ARHGEF1: variants seen among roughly 807,000 people sequenced by gnomAD.
ARHGEF1 encodes the protein Rho guanine nucleotide exchange factor 1.
ARHGEF1 carries 40 observed loss-of-function variants against 119.7 expected under a neutral mutation model. The ratio of observed to expected loss-of-function variants is 0.33; its 90% CI spans 0.26 to 0.44. The LOEUF (loss-of-function observed/expected upper bound fraction) is 0.44. Ranked by LOEUF, ARHGEF1 falls within the 20% of genes least tolerant of loss-of-function variation. ARHGEF1 has a pLI of 1.00. For synonymous variants in ARHGEF1, 494 were observed against 521.0 expected, an observed-to-expected ratio of 0.95 and a Z score of 0.71; for missense variants, 976 against 1,268.3, an observed-to-expected ratio of 0.77 and a Z score of 3.50.
At chr19:41,886,585 T>C (rs749493002) in intron 1 of ARHGEF1, among the ~76,000 whole-genome samples, 40 of 152,196 alleles carry the variant, frequency 2.6e-4, no homozygotes, top group Non-Finnish European at 4.6e-4. Context: ...CTGGCCAGTT[T>C]GCAAATTTAT....
At chr19:41,896,566 C>T in intron 13 of ARHGEF1, 84 bp downstream of exon 13, 1 of 1,077,714 alleles carries the variant, frequency 9.3e-7, no homozygotes. Flanking sequence ...GCCATCTGTG[C>T]CTGCCTGTCC....
chr19:41,900,200 G>C (rs1183158329), intron 14 of ARHGEF1, among the ~76,000 whole-genome samples: 1 of 152,148 alleles, frequency 6.6e-6, no homozygotes, highest in Non-Finnish European at 1.5e-5. Context: ...CAAGCATAGT[G>C]GCGCATGCCT....
chr19:41,915,540 G>C (rs1216312110), intron 18 of ARHGEF1, among the ~76,000 whole-genome samples: 1 of 151,490 alleles, frequency 6.6e-6, no homozygotes, highest in Non-Finnish European at 1.5e-5. Context: ...TAATGTCTAG[G>C]GTCTCCACAC....
At chr19:41,897,876 TC>T in intron 13 of ARHGEF1, 1 of 1,269,566 alleles carries the variant, frequency 7.9e-7, no homozygotes, top group Non-Finnish European at 9.9e-7. Flanking sequence ...TCGTCTCTGT[TC>T]TTGTCTTGGT....
chr19:41,909,932 A>G, downstream of ARHGEF1: 1 of 1,613,822 alleles, frequency 6.2e-7, no homozygotes, highest in African/African-American at 1.3e-5. This position sits in a 1 kb window ranked among gnomAD's most constrained non-coding sequence, Gnocchi z 5.2. Context: ...CAGCCGGGCC[A>G]CCTCATCGGG....
rs939888648 is a variant in ARHGEF1 at position 41,917,915 on chromosome 19, G to T, written c.1866-5177G>T. ...TGGGTGCACGAAGCCAGCTCCCCGCGGTCACACACTGTGTGTGTGTGTGCT... is the reference window on the plus strand; with the variant it reads ...TGGGTGCACGAAGCCAGCTCCCCGCTGTCACACACTGTGTGTGTGTGTGCT... On this transcript the variant is annotated intron_variant, in intron 18 of 20. Transcript: ENST00000599589. This position sits in a 1 kb window ranked among gnomAD's most constrained non-coding sequence, Gnocchi z 4.8. 6.6e-6 allele frequency among the ~76,000 whole-genome samples: 1 copy of T among 151,864 alleles called. No homozygotes were observed. The highest frequency in any genetic ancestry group is 2.1e-4 in the South Asian group (1 of 4,828).
intron 11 of ARHGEF1, 80 bp downstream of exon 11, chr19:41,894,741 A>C (rs1262769630): frequency 5.4e-6 from 7 of 1,293,494 alleles, no homozygotes; most frequent in Non-Finnish European, 2.0e-6. Flanking sequence ...GGTCTGAGGG[A>C]GGAGGGGCTG....
rs2074498694 is a variant in ARHGEF1, at chr19:41,896,787, T to TCCCCCTCCTCTCTCACCTC, written c.1121+309_1121+327dup. 3.6e-5 allele frequency: 16 copies of TCCCCCTCCTCTCTCACCTC among 443,790 alleles called. 2 individuals are homozygous for TCCCCCTCCTCTCTCACCTC. In the African/African-American group the frequency reaches 5.1e-4, roughly 14 times the overall value. 27.5% of individuals were successfully genotyped at this position (443,790 alleles called of 1,614,324 possible). ...CACCACTCCTTCCATCTCCTTTATT[T>TCCCCCTCCTCTCTCACCTC]CCCCCTCCTCTCTCACCTCCCCTCT... On this transcript the variant is annotated intron_variant, in intron 13 of 28. Coordinates refer to ENST00000354532, the MANE Select transcript of ARHGEF1 (RefSeq NM_004706.4).
rs2123329275 is a variant in ARHGEF1, at chr19:41,883,519, C to T, written c.-20+230C>T. 6.6e-6 allele frequency among the ~76,000 whole-genome samples: 1 copy of T among 152,332 alleles called. No homozygotes were observed. The highest frequency in any genetic ancestry group is 2.1e-4 in the South Asian group (1 of 4,834). On this transcript the variant is annotated intron_variant, in intron 1 of 28. Transcript: ENST00000354532. This position sits in a 1 kb window ranked among gnomAD's most constrained non-coding sequence, Gnocchi z 7.6. Reference sequence around the variant, plus strand: ...ATAGGTGGGGACGAACGGTGCGAGGCCGGGGCCAAGGCCTCCCACCTGCTC... The same window carrying T: ...ATAGGTGGGGACGAACGGTGCGAGGTCGGGGCCAAGGCCTCCCACCTGCTC...
intron 18 of ARHGEF1, among the ~76,000 whole-genome samples, chr19:41,915,202 CCCGCCGCCTCCT>C (rs1386308151): frequency 7.0e-6 from 1 of 142,560 alleles, no homozygotes; most frequent in African/African-American, 2.6e-5. Flanking sequence ...CTTTCAACTC[CCCGCCGCCTCCT>C]CCGGACACGT....
rs1348337365 is a variant in ARHGEF1, at chr19:41,891,752, A to G, written c.226-273A>G. ...ATAGACAGTAGTAGTAGTTGTTGTC[A>G]TTATTGCCGGGAGGAGACCATGATG... On this transcript the variant is annotated intron_variant, in intron 4 of 28. Coordinates refer to ENST00000354532, the MANE Select transcript of ARHGEF1 (RefSeq NM_004706.4). Among the ~76,000 whole-genome samples, 3 of 152,184 alleles carry G rather than the reference A, an allele frequency of 2.0e-5. No homozygotes were observed. In the East Asian group the frequency reaches 5.8e-4, roughly 29 times the overall value.
chr19:41,891,968 G>A, intron 4 of ARHGEF1, 57 bp from the exon 5 acceptor site: 1 of 1,448,022 alleles, frequency 6.9e-7, no homozygotes, highest in Non-Finnish European at 9.5e-7. Flanking sequence ...TTCAAAGGGA[G>A]AGTGTGGTTT....
downstream of ARHGEF1, chr19:41,907,810 C>T (rs1555850746): frequency 1.1e-5 from 2 of 181,874 alleles, no homozygotes; most frequent in East Asian, 1.4e-4. Context: ...GGGCTGGGGG[C>T]GGGGTTATTG....
rs782793851 is a variant in ARHGEF1, at chr19:41,903,321, C to T, written c.1753C>T (p.Arg585Trp). The T allele has an allele frequency of 3.1e-6, 5 of 1,613,906 alleles. No individual in the cohort carries two copies. Among genetic ancestry groups the T allele is most frequent in the South Asian group, 1.1e-5 (1 of 91,076 alleles). ...CTTGCCTGCAGAAGAGCCCACAGAA[C>T]GGGAGAAAGTGGAGCTGGCAGCCGA... ...IGQNTEEPTEREKVELAAECC... is the reference protein window; with the variant it reads ...IGQNTEEPTEWEKVELAAECC... Residue 585 changes from arginine (R) to tryptophan (W), a missense_variant, in exon 19 of 29, where the codon CGG becomes TGG. By Grantham distance (101) the Arg-to-Trp change is moderately radical (BLOSUM62 -3). Around this residue, in one of 3 missense-constraint regions of ARHGEF1, gnomAD observed 286 missense variants for 506.8 expected, o/e 0.56. Transcript: ENST00000354532. This position sits in a 1 kb window ranked among gnomAD's most constrained non-coding sequence, Gnocchi z 4.2.
At position 41,898,506 on chromosome 19, in the gene ARHGEF1, C is replaced by T; in HGVS notation, c.1186C>T (p.Pro396Ser). 2 of 1,555,502 alleles carry T rather than the reference C, an allele frequency of 1.3e-6. No homozygotes were observed. The highest frequency in any genetic ancestry group is 1.7e-6 in the Non-Finnish European group (2 of 1,149,600). The change falls in exon 14 of 29, where the codon CCC becomes TCC. Residue 396 changes from proline to serine, a missense_variant. By Grantham distance (74) the Pro-to-Ser change is moderately conservative. Around this residue, in one of 3 missense-constraint regions of ARHGEF1, gnomAD observed 519 missense variants for 580.9 expected, o/e 0.89. Transcript: ENST00000354532. ...ACTGGAGCTTGAACCAGAAGAGCCT[C>T]CCGGCTGGCGGGAACTCGTCCCCCC... is the stretch of plus-strand genomic sequence containing the variant. ...SGLELEPEEP[P>S]GWRELVPPDT... is the part of the protein sequence containing the mutation.
Position 41,904,897 on chromosome 19 carries a change from C to T in ARHGEF1, c.2162-52C>T, listed in dbSNP as rs2074665255. On this transcript the variant is annotated intron_variant, in intron 22 of 28. Coordinates refer to ENST00000354532, the MANE Select transcript of ARHGEF1 (RefSeq NM_004706.4). This position sits in a 1 kb window ranked among gnomAD's most constrained non-coding sequence, Gnocchi z 8.4. ...TCTCCAGCTTGTGCTTAGGGAGGGG[C>T]AGGCACTGGGGGGACCTGGGCTCTG... The T allele has an allele frequency of 1.3e-6, 2 of 1,496,892 alleles. No homozygotes were observed. Among genetic ancestry groups the T allele is most frequent in the Non-Finnish European group, 1.9e-6 (2 of 1,074,278 alleles). 92.7% of individuals were successfully genotyped at this position (1,496,892 alleles called of 1,614,324 possible).
rs1235028004 is a variant in ARHGEF1, at chr19:41,917,598, C to T, written c.1866-5494C>T. On this transcript the variant is annotated intron_variant, in intron 18 of 20. Coordinates refer to the ARHGEF1 transcript ENST00000599589. The surrounding 1 kb of genome is among the most constrained non-coding windows in gnomAD (Gnocchi z 4.8). ...AGAGGAGAGAGACGCGGCCTAAGAC[C>T]CTTCTGCCACCGCCGCCCCCGCATG... is the stretch of plus-strand genomic sequence containing the variant. Among the ~76,000 whole-genome samples, 3 of 151,862 alleles carry T rather than the reference C, an allele frequency of 2.0e-5. No homozygotes were observed. The highest frequency in any genetic ancestry group is 2.1e-4 in the South Asian group (1 of 4,808).
At chr19:41,897,657 T>C in intron 13 of ARHGEF1, 1 of 163,052 alleles carries the variant, frequency 6.1e-6, no homozygotes, top group Non-Finnish European at 1.1e-5. Context: ...CTCCTCTGAC[T>C]CTCTCCTCTC....
Position 41,888,205 on chromosome 19 carries a change from C to G in ARHGEF1, c.38C>G (p.Pro13Arg), listed in dbSNP as rs1555845552. Residue 13 changes from proline (P) to arginine (R), a missense_variant, in exon 3 of 29, where the codon CCC becomes CGC. Pro to Arg is a moderately radical substitution (Grantham distance 103). Transcript: ENST00000354532. This position sits in a 1 kb window ranked among gnomAD's most constrained non-coding sequence, Gnocchi z 5.1. ...CCCTTTCCACAGGCCTCCCCAGGCC[C>G]CTCCCGGCCTGGCCTGGTTCCCGTC... ...DFARGAASPG[P>R]SRPGLVPVSI... 5.0e-6 allele frequency: 8 copies of G among 1,614,156 alleles called. No individual in the cohort carries two copies. The South Asian group carries it at 5.5e-5, about 11-fold the overall frequency.
Sources: gnomAD v4.1 joint callset for allele counts (sites outside exome capture counted in the v4.1 genomes callset) on GRCh38, gnomAD v4.1.1 for gene constraint, gnomAD v4.1.1 regional missense constraint, Gnocchi (gnomAD v3.1) non-coding constraint, MANE v1.5 for transcripts, NCBI Gene and HGNC (gene_info 2026-07-23, HGNC 2026-07-21) for gene names.